Variants in MTA3 observed in about 807,000 individuals in gnomAD.
The protein encoded by MTA3 is metastasis associated 1 family member 3, also known as metastasis-associated protein MTA3.
In MTA3, 34 loss-of-function variants were observed where a neutral mutation model predicts 83.5. The observed-to-expected ratio is 0.41, with a 90% CI of 0.31 to 0.54. MTA3 has a LOEUF of 0.54. MTA3 is among the 20% of genes least tolerant of loss of function. The pLI is 0.33. For missense variants in MTA3, 761 were observed against 726.4 expected, an observed-to-expected ratio of 1.05 and a Z score of -0.55; for synonymous variants, 303 against 252.7, an observed-to-expected ratio of 1.20 and a Z score of -1.89.
At chr2:42,518,205 T>C (rs1388626231) in intron 2 of MTA3, among the ~76,000 whole-genome samples, 7 of 151,460 alleles carry the variant, frequency 4.6e-5, no homozygotes, top group African/African-American at 1.7e-4. Context: ...TAAAAGAAAA[T>C]ACAGTTGAGT....
intron 16 of MTA3, among the ~76,000 whole-genome samples, chr2:42,727,419 C>T (rs531776024): frequency 6.6e-6 from 1 of 152,310 alleles, no homozygotes; most frequent in East Asian, 1.9e-4. Context: ...CCACTGTGGA[C>T]ATTTTTACTG....
chr2:42,749,443 A>C (rs938441631), intron 16 of MTA3, among the ~76,000 whole-genome samples: 1 of 152,024 alleles, frequency 6.6e-6, no homozygotes, highest in Non-Finnish European at 1.5e-5. Context: ...TAGTACTTTC[A>C]AACAGTTGTT....
Position 42,640,307 on chromosome 2 carries a change from A to C in MTA3, c.381+71A>C, listed in dbSNP as rs991029436. 4 of 1,110,500 alleles carry C rather than the reference A, an allele frequency of 3.6e-6. No individual in the cohort carries two copies. In the African/African-American group the frequency reaches 6.3e-5, roughly 18 times the overall value. 68.8% of individuals were successfully genotyped at this position (1,110,500 alleles called of 1,614,324 possible). Reference sequence around the variant, plus strand: ...ACATGAAGCTCTTTCCTTGGAATTTATTTCTTTTTGTACAAAAGTATTATT... The same window carrying C: ...ACATGAAGCTCTTTCCTTGGAATTTCTTTCTTTTTGTACAAAAGTATTATT... On this transcript the variant is annotated intron_variant, in intron 5 of 16. Transcript: ENST00000405094.
At chr2:42,690,851 TTTTATTTTA>T (rs1369093402) in intron 9 of MTA3, among the ~76,000 whole-genome samples, 2 of 127,546 alleles carry the variant, frequency 1.6e-5, no homozygotes, top group Non-Finnish European at 3.2e-5. Flanking sequence ...ATTTTTGTAT[TTTTATTTTA>T]TTTATTTATT....
chr2:42,583,558 G>A (rs967479118), intron 3 of MTA3, among the ~76,000 whole-genome samples: 44 of 152,130 alleles, frequency 2.9e-4, no homozygotes, highest in Middle Eastern at 3.4e-3. Context: ...TTTTGAGATA[G>A]AGTCTTGCTC....
At chr2:42,745,317 C>CT (rs1669328019) in intron 16 of MTA3, among the ~76,000 whole-genome samples, 1 of 152,150 alleles carries the variant, frequency 6.6e-6, no homozygotes, top group African/African-American at 2.4e-5. Flanking sequence ...GATTGAGCCC[C>CT]TCTAGGACAG....
rs185093178 is a variant in MTA3 at position 42,595,622 on chromosome 2, A to G, written c.191-13836A>G. Reference sequence around the variant, plus strand: ...ACATTTTTCCGTGACTTCTTCTCCTATTAGAACAAGGAAATACATTTTACT... The same window carrying G: ...ACATTTTTCCGTGACTTCTTCTCCTGTTAGAACAAGGAAATACATTTTACT... On this transcript the variant is annotated intron_variant, in intron 3 of 16. Coordinates refer to ENST00000405094, the MANE Select transcript of MTA3 (RefSeq NM_001330442.2). Among the ~76,000 whole-genome samples the G allele has an allele frequency of 2.0e-5, 3 of 152,318 alleles. No individual in the cohort carries two copies. The East Asian group carries it at 5.8e-4, about 29-fold the overall frequency.
At chr2:42,497,137 C>T (rs1262203917) in intron 2 of MTA3, among the ~76,000 whole-genome samples, 5 of 151,566 alleles carry the variant, frequency 3.3e-5, no homozygotes, top group Admixed American at 6.6e-5. Context: ...ACCTGGGAGG[C>T]AGAGGTTGCA....
intron 2 of MTA3, among the ~76,000 whole-genome samples, chr2:42,556,068 T>C (rs1410312052): frequency 6.7e-6 from 1 of 150,216 alleles, no homozygotes; most frequent in East Asian, 1.9e-4. Flanking sequence ...CGAGACTCTG[T>C]CTCAAAAAAC....
intron 9 of MTA3, among the ~76,000 whole-genome samples, chr2:42,685,308 T>G (rs959446447): frequency 6.6e-6 from 1 of 152,220 alleles, no homozygotes; most frequent in Non-Finnish European, 1.5e-5. Flanking sequence ...TGTTTTACCC[T>G]AGCTTGTTTC....
At chr2:42,600,652 G>A (rs1209724217) in intron 3 of MTA3, among the ~76,000 whole-genome samples, 1 of 151,424 alleles carries the variant, frequency 6.6e-6, no homozygotes, top group Non-Finnish European at 1.5e-5. Context: ...AGCGATTCTT[G>A]TGCCTCAGTC....
intron 8 of MTA3, among the ~76,000 whole-genome samples, chr2:42,672,207 T>C (rs1690860406): frequency 6.6e-6 from 1 of 151,898 alleles, no homozygotes; most frequent in Non-Finnish European, 1.5e-5. Context: ...GTGATAATAA[T>C]AAAAAAGAGC....
chr2:42,711,863 C>A lies in MTA3; in HGVS notation c.1525+2767C>A, dbSNP rs373460244. Reference sequence around the variant, plus strand: ...TTCTCAAAGGCAGTGTTAGGCCCTCCTCCACCCTGCAGAAAGTTAAGAATC... The same window carrying A: ...TTCTCAAAGGCAGTGTTAGGCCCTCATCCACCCTGCAGAAAGTTAAGAATC... On this transcript the variant is annotated intron_variant, in intron 14 of 16. Transcript: ENST00000405094. 1.1e-4 allele frequency among the ~76,000 whole-genome samples: 16 copies of A among 151,326 alleles called. No individual in the cohort carries two copies. The South Asian group carries it at 2.7e-3, about 26-fold the overall frequency.
chr2:42,606,703 C>T (rs1473335629), intron 3 of MTA3, among the ~76,000 whole-genome samples: 6 of 151,706 alleles, frequency 4.0e-5, no homozygotes, highest in African/African-American at 7.3e-5. Context: ...GCTGCAATCT[C>T]GGCACTTTGG....
chr2:42,649,819 G>T (rs1384956479), intron 6 of MTA3, among the ~76,000 whole-genome samples: 1 of 152,116 alleles, frequency 6.6e-6, no homozygotes, highest in African/African-American at 2.4e-5. Context: ...TTCTGCATTC[G>T]ATTTTTAATT....
intron 4 of MTA3, among the ~76,000 whole-genome samples, chr2:42,622,106 C>A (rs1685624124): frequency 6.6e-6 from 1 of 152,322 alleles, no homozygotes; most frequent in African/African-American, 2.4e-5. Flanking sequence ...GCACTCCAGC[C>A]TGGGCAACAT....
At chr2:42,582,875 T>C (rs1298840595) in intron 3 of MTA3, among the ~76,000 whole-genome samples, 2 of 152,182 alleles carry the variant, frequency 1.3e-5, no homozygotes, top group East Asian at 3.8e-4. Context: ...ATGCATTTTT[T>C]CTTTCATTTT....
chr2:42,750,405 G>T (rs200748708), intron 16 of MTA3, among the ~76,000 whole-genome samples: 1 of 149,442 alleles, frequency 6.7e-6, no homozygotes, highest in Non-Finnish European at 1.5e-5. Flanking sequence ...GAGGGTCTTT[G>T]TTTTTTTTTT....
chr2:42,660,069 G>T (rs1689532238), intron 8 of MTA3, among the ~76,000 whole-genome samples: 1 of 151,724 alleles, frequency 6.6e-6, no homozygotes, highest in South Asian at 2.1e-4. Flanking sequence ...TCATTAGAAA[G>T]AGGGGCTGTT....
Sources: gnomAD v4.1 joint callset for allele counts (sites outside exome capture counted in the v4.1 genomes callset) on GRCh38, gnomAD v4.1.1 for gene constraint, MANE v1.5 for transcripts, NCBI Gene and HGNC (gene_info 2026-07-23, HGNC 2026-07-21) for gene names.